The following CDKL4 variants were observed in gnomAD, a reference collection of about 807,000 sequenced individuals.
The protein encoded by CDKL4 is cyclin-dependent kinase-like 4.
A neutral mutation model predicts 42.0 loss-of-function variants in CDKL4; 44 were observed. The observed-to-expected ratio is 1.05, with a 90% CI of 0.82 to 1.35. The LOEUF (loss-of-function observed/expected upper bound fraction) is 1.35, where lower values mean the gene tolerates loss of function less well. CDKL4 is among the 40% of genes most tolerant of loss of function. The probability of loss-of-function intolerance (pLI) is 0.00; values close to 1 mark genes in which losing one functional copy is unlikely to be tolerated. For missense variants in CDKL4, 393 were observed against 369.9 expected (o/e 1.06, Z -0.51); for synonymous variants, 120 against 121.6 (o/e 0.99, Z 0.09).
chr2:39,172,000 T>G (rs534053999), downstream of CDKL4, among the ~76,000 whole-genome samples: 1 of 152,234 alleles, frequency 6.6e-6, no homozygotes, highest in East Asian at 1.9e-4. Context: ...GACAAGACTA[T>G]TTGCTAAAGA....
downstream of CDKL4, among the ~76,000 whole-genome samples, chr2:39,171,815 C>T (rs1384271532): frequency 2.0e-5 from 3 of 152,140 alleles, no homozygotes; most frequent in Non-Finnish European, 4.4e-5. Context: ...AGTGTTCAGG[C>T]GGCGTCACTC....
intron 8 of CDKL4, among the ~76,000 whole-genome samples, chr2:39,181,727 C>T (rs952628653): frequency 2.0e-5 from 3 of 152,042 alleles, no homozygotes; most frequent in African/African-American, 7.2e-5. Flanking sequence ...AGAGTGAATG[C>T]CATGCTATGA....
intron 5 of CDKL4, among the ~76,000 whole-genome samples, chr2:39,191,342 C>T (rs908505598): frequency 3.3e-5 from 5 of 151,992 alleles, no homozygotes; most frequent in African/African-American, 9.7e-5. Flanking sequence ...TGCAGTGAGC[C>T]GTGATCATGC....
At chr2:39,214,613 C>A (rs898400023) in intron 3 of CDKL4, among the ~76,000 whole-genome samples, 3 of 152,150 alleles carry the variant, frequency 2.0e-5, no homozygotes, top group Non-Finnish European at 4.4e-5. Context: ...TGGTAGGCAC[C>A]CATTACATTT....
downstream of CDKL4, among the ~76,000 whole-genome samples, chr2:39,171,420 G>A (rs1293376432): frequency 6.6e-6 from 1 of 151,982 alleles, no homozygotes; most frequent in Non-Finnish European, 1.5e-5. Context: ...TAATCCCAAG[G>A]ATTCAAAAGC....
chr2:39,219,104 C>G (rs550644188), intron 3 of CDKL4, among the ~76,000 whole-genome samples: 83 of 152,338 alleles, frequency 5.4e-4, no homozygotes, highest in African/African-American at 1.9e-3. Context: ...AGCCCCAGCA[C>G]CTAGAACAGG....
At chr2:39,221,502 T>C (rs896839574) in intron 3 of CDKL4, among the ~76,000 whole-genome samples, 3 of 152,224 alleles carry the variant, frequency 2.0e-5, no homozygotes, top group African/African-American at 2.4e-5. Context: ...GGAGTACAAG[T>C]AGATGAATGC....
At chr2:39,220,749 T>A (rs1678258651) in intron 3 of CDKL4, among the ~76,000 whole-genome samples, 1 of 151,752 alleles carries the variant, frequency 6.6e-6, no homozygotes. Context: ...CACGCCTGGC[T>A]AATTTTTTTG....
chr2:39,169,924 G>A, the CDKL4 span, among the ~76,000 whole-genome samples: 7 of 152,162 alleles, frequency 4.6e-5, no homozygotes, highest in African/African-American at 1.7e-4. Flanking sequence ...AGGTTGAAGT[G>A]CAGTGGCACA....
In CDKL4 at chr2:39,242,332, C is replaced by T. The variant is rs190786014; in HGVS notation, c.-57+1539G>A. On this transcript the variant is annotated intron_variant, in intron 1 of 9. Transcript: ENST00000451199. ...AAGTGCAGCAGTTACTGGCATGAGC[C>T]ACCCATGCCTGGCGAAATTATTTTT... 9.2e-5 allele frequency among the ~76,000 whole-genome samples: 14 copies of T among 152,310 alleles called. 1 individual carries two copies. Among genetic ancestry groups the T allele is most frequent in the South Asian group, 4.1e-4 (2 of 4,832 alleles).
chr2:39,184,511 A>G, intron 8 of CDKL4, 80 bp downstream of exon 8: 1 of 938,754 alleles, frequency 1.1e-6, no homozygotes, highest in Non-Finnish European at 1.7e-6. Context: ...TATTTAATCC[A>G]CTGTCCACCC....
chr2:39,244,166 C>T (rs1386848076), upstream of CDKL4, among the ~76,000 whole-genome samples: 2 of 152,258 alleles, frequency 1.3e-5, no homozygotes, highest in Non-Finnish European at 2.9e-5. Flanking sequence ...TGGGCTCCCA[C>T]TTTGGCGGCA....
At chr2:39,244,701 C>T (rs1309988970), upstream of CDKL4, among the ~76,000 whole-genome samples, 2 of 152,244 alleles carry the variant, frequency 1.3e-5, no homozygotes, top group Non-Finnish European at 2.9e-5. Flanking sequence ...ACCTGCAGCC[C>T]CTGTGCGGGA....
At chr2:39,200,826 A>G (rs1160221419) in intron 5 of CDKL4, among the ~76,000 whole-genome samples, 1 of 152,228 alleles carries the variant, frequency 6.6e-6, no homozygotes, top group African/African-American at 2.4e-5. Context: ...CTCACCTTAT[A>G]CAAAAATCAT....
At chr2:39,202,270 A>G (rs141750372) in intron 5 of CDKL4, among the ~76,000 whole-genome samples, 10 of 140,788 alleles carry the variant, frequency 7.1e-5, no homozygotes, top group African/African-American at 2.5e-4. Flanking sequence ...AACAAAACAA[A>G]ACAAAACAAA....
rs1405398481 is a variant in CDKL4 at position 39,212,618 on chromosome 2, A to C, written c.363+782T>G. On this transcript the variant is annotated intron_variant, in intron 4 of 9. Coordinates refer to ENST00000451199, the Ensembl canonical transcript of CDKL4. Reference sequence around the variant, plus strand: ...TAAGAGACTTAAAAATAATAGTTAAAAAAAAAAGTACCATGGGGGATTACA... The same window carrying C: ...TAAGAGACTTAAAAATAATAGTTAACAAAAAAAGTACCATGGGGGATTACA... Among the ~76,000 whole-genome samples the C allele has an allele frequency of 3.9e-5, 6 of 152,070 alleles. No homozygotes were observed. The South Asian group carries it at 8.3e-4, about 21-fold the overall frequency.
chr2:39,239,320 A>G lies in CDKL4; in HGVS notation c.-57+4551T>C, dbSNP rs116463165. 6.2e-3 allele frequency among the ~76,000 whole-genome samples: 941 copies of G among 152,328 alleles called. 10 individuals carry two copies. The highest frequency in any genetic ancestry group is 0.021 in the African/African-American group (891 of 41,572). On this transcript the variant is annotated intron_variant, in intron 1 of 9. Coordinates refer to ENST00000451199, the Ensembl canonical transcript of CDKL4. ...ATGCAGATTTCTTAGATATGACACC[A>G]TAAGCATGATTCATAAAAGAAAAAA...
chr2:39,179,293 C>T, exon 9 of CDKL4: 1 of 1,608,102 alleles, frequency 6.2e-7, no homozygotes, highest in South Asian at 1.1e-5. Context: ...ACAGGTTAAT[C>T]TGTCATCTGG....
intron 2 of CDKL4, among the ~76,000 whole-genome samples, chr2:39,226,696 C>T (rs1331953785): frequency 6.6e-6 from 1 of 151,748 alleles, no homozygotes; most frequent in African/African-American, 2.4e-5. Context: ...TGGGTAGAAG[C>T]CAGGACTATC....
Sources: gnomAD v4.1 joint callset for allele counts (sites outside exome capture counted in the v4.1 genomes callset) on GRCh38, gnomAD v4.1.1 for gene constraint, MANE v1.5 for transcripts, NCBI Gene and HGNC (gene_info 2026-07-23, HGNC 2026-07-21) for gene names.